Variants in ST6GALNAC3 observed in about 807,000 individuals in gnomAD.
ST6GALNAC3 encodes the protein alpha-N-acetylgalactosaminide alpha-2,6-sialyltransferase 3.
A neutral mutation model predicts 32.7 loss-of-function variants in ST6GALNAC3; 25 were observed. The observed-to-expected ratio is 0.76, with a 90% CI of 0.56 to 1.07. The LOEUF (loss-of-function observed/expected upper bound fraction) is 1.07. Among genes scored for constraint, ST6GALNAC3 ranks in the 50% least tolerant of loss-of-function variants. The pLI, the probability that ST6GALNAC3 is intolerant of heterozygous loss-of-function variation, is 0.00. For missense variants in ST6GALNAC3, 355 were observed against 382.4 expected, an observed-to-expected ratio of 0.93 and a Z score of 0.60; for synonymous variants, 129 against 133.1, an observed-to-expected ratio of 0.97 and a Z score of 0.21.
At chr1:76,258,955 A>G (rs1658075041) in intron 1 of ST6GALNAC3, among the ~76,000 whole-genome samples, 1 of 152,208 alleles carries the variant, frequency 6.6e-6, no homozygotes, top group Non-Finnish European at 1.5e-5. Context: ...AGGGCATCAA[A>G]GAACTCTTAA....
rs562085073 is a variant in ST6GALNAC3 at position 76,628,910 on chromosome 1, CAAT to C, written c.*105_*107del. 2.1e-4 allele frequency: 331 copies of C among 1,542,618 alleles called. 5 individuals are homozygous for C. The South Asian group carries it at 3.6e-3, about 17-fold the overall frequency. The stretch of plus-strand genomic sequence containing the variant: ...ATGATGGTAATGATAAAGACAACAA[CAAT>C]GATTATCAAGTTCCTGTACACTCTC... On this transcript the variant is annotated 3_prime_UTR_variant, in exon 5 of 5. Coordinates refer to ENST00000328299, the MANE Select transcript of ST6GALNAC3 (RefSeq NM_152996.4).
intron 2 of ST6GALNAC3, among the ~76,000 whole-genome samples, chr1:76,342,765 A>G (rs1451576558): frequency 6.6e-6 from 1 of 151,674 alleles, no homozygotes; most frequent in Non-Finnish European, 1.5e-5. Context: ...TATAGTAGCC[A>G]TTCTGATTGG....
intron 2 of ST6GALNAC3, among the ~76,000 whole-genome samples, chr1:76,353,249 C>A (rs1270484049): frequency 6.6e-6 from 1 of 152,146 alleles, no homozygotes; most frequent in East Asian, 1.9e-4. Flanking sequence ...GGCTTGCTTG[C>A]TGTTTCCTCT....
chr1:76,590,133 C>A (rs553126852), intron 3 of ST6GALNAC3, among the ~76,000 whole-genome samples: 1 of 152,134 alleles, frequency 6.6e-6, no homozygotes, highest in African/African-American at 2.4e-5. Flanking sequence ...TTAAGATGTA[C>A]CTGTGTTTCT....
chr1:76,111,055 T>G (rs1475467183), intron 1 of ST6GALNAC3, among the ~76,000 whole-genome samples: 1 of 152,188 alleles, frequency 6.6e-6, no homozygotes. Flanking sequence ...CCTAAAAGCC[T>G]TAGTAAGAAA....
Position 76,288,348 on chromosome 1 carries a change from C to A in ST6GALNAC3, c.19-25457C>A, listed in dbSNP as rs530019428. Among the ~76,000 whole-genome samples the A allele has an allele frequency of 2.0e-5, 3 of 152,282 alleles. No individual in the cohort carries two copies. The South Asian group carries it at 6.2e-4, about 32-fold the overall frequency. ...GAAAAAAATAATGGCTCCCCCACCA[C>A]CTTGATATGGATGTTTTAACACTAC... On this transcript the variant is annotated intron_variant, in intron 1 of 4. Transcript: ENST00000328299.
At chr1:76,326,991 T>C (rs920861971) in intron 2 of ST6GALNAC3, among the ~76,000 whole-genome samples, 2 of 152,170 alleles carry the variant, frequency 1.3e-5, no homozygotes, top group Non-Finnish European at 2.9e-5. Flanking sequence ...TTTACTCACT[T>C]AGTGTAAAGC....
intron 2 of ST6GALNAC3, among the ~76,000 whole-genome samples, chr1:76,323,535 C>T (rs1647009692): frequency 6.6e-6 from 1 of 152,162 alleles, no homozygotes; most frequent in Admixed American, 6.5e-5. Context: ...TCTGCCAATT[C>T]ATGAAGTCAG....
chr1:76,111,990 G>T (rs1278208151), intron 1 of ST6GALNAC3, among the ~76,000 whole-genome samples: 2 of 151,864 alleles, frequency 1.3e-5, no homozygotes, highest in Non-Finnish European at 2.9e-5. Flanking sequence ...GGGCAGAGGG[G>T]CTCCTCACTT....
At chr1:76,290,786 G>A (rs3916214) in intron 1 of ST6GALNAC3, among the ~76,000 whole-genome samples, 47,701 of 151,996 alleles carry the variant, frequency 0.31, 8,566 homozygotes, top group Non-Finnish European at 0.41. Flanking sequence ...CCTACATGTC[G>A]CTGCTCCTTT....
chr1:76,543,351 G>A (rs1295756181), intron 3 of ST6GALNAC3, among the ~76,000 whole-genome samples: 7 of 152,272 alleles, frequency 4.6e-5, no homozygotes, highest in Admixed American at 4.6e-4. Context: ...TACTGGGAAT[G>A]TAAATCTGAC....
chr1:76,203,544 A>G (rs1258506063), intron 1 of ST6GALNAC3, among the ~76,000 whole-genome samples: 1 of 152,142 alleles, frequency 6.6e-6, no homozygotes, highest in Non-Finnish European at 1.5e-5. Flanking sequence ...GAAAATTACA[A>G]GAAAGTTTAT....
chr1:76,499,348 G>C (rs1258066889), intron 3 of ST6GALNAC3, among the ~76,000 whole-genome samples: 2 of 152,138 alleles, frequency 1.3e-5, no homozygotes, highest in Non-Finnish European at 2.9e-5. Flanking sequence ...AGTTCCATTA[G>C]CAGAAATAAA....
At chr1:76,214,657 G>T (rs1172343358) in intron 1 of ST6GALNAC3, among the ~76,000 whole-genome samples, 2 of 152,156 alleles carry the variant, frequency 1.3e-5, no homozygotes, top group Non-Finnish European at 2.9e-5. Flanking sequence ...CCAAATATTT[G>T]CAGTTCTTGC....
At chr1:76,521,087 G>A (rs940806955) in intron 3 of ST6GALNAC3, among the ~76,000 whole-genome samples, 31 of 151,756 alleles carry the variant, frequency 2.0e-4, no homozygotes, top group East Asian at 9.6e-4. Flanking sequence ...TAATGCCTAA[G>A]AGATAAAAAT....
intron 3 of ST6GALNAC3, among the ~76,000 whole-genome samples, chr1:76,494,743 G>GCACACACACA (rs34912507): frequency 0.05 from 6,453 of 130,212 alleles, 387 homozygotes; most frequent in African/African-American, 0.12. Flanking sequence ...TCATGTGTAT[G>GCACACACACA]CACACACACA....
chr1:76,618,012 G>T (rs1030991694), intron 3 of ST6GALNAC3, among the ~76,000 whole-genome samples: 1 of 152,172 alleles, frequency 6.6e-6, no homozygotes, highest in African/African-American at 2.4e-5. Context: ...TACAAGCACA[G>T]ATCTACAAAA....
At chr1:76,344,151 T>G (rs1020336259) in intron 2 of ST6GALNAC3, among the ~76,000 whole-genome samples, 2 of 152,186 alleles carry the variant, frequency 1.3e-5, no homozygotes, top group East Asian at 3.8e-4. Context: ...GACTGACAGG[T>G]AAAGGGTGAG....
At chr1:76,464,184 G>A (rs1417585694) in intron 3 of ST6GALNAC3, among the ~76,000 whole-genome samples, 1 of 151,848 alleles carries the variant, frequency 6.6e-6, no homozygotes, top group African/African-American at 2.4e-5. Context: ...TTTCCTTTAG[G>A]TCCTTTCAGT....
Sources: gnomAD v4.1 joint callset for allele counts (sites outside exome capture counted in the v4.1 genomes callset) on GRCh38, gnomAD v4.1.1 for gene constraint, MANE v1.5 for transcripts, NCBI Gene and HGNC (gene_info 2026-07-23, HGNC 2026-07-21) for gene names.